The following H1-4 variants were observed in gnomAD, a reference collection of about 807,000 sequenced individuals.
H1-4 encodes histone H1.4.
A neutral mutation model predicts 7.2 loss-of-function variants in H1-4; 9 were observed. The observed-to-expected ratio is 1.25, with a 90% CI of 0.75 to 2.18. The LOEUF is 2.18. H1-4 is among the 30% of genes most tolerant of loss of function. The pLI, the probability that H1-4 is intolerant of heterozygous loss-of-function variation, is 0.00. For synonymous variants in H1-4, 318 were observed against 126.6 expected (o/e 2.51, Z -10.15); for missense variants, 646 against 287.9 (o/e 2.24, Z -9.00).
rs150948103 is a variant in H1-4, at chr6:26,156,615, G to A, written c.225G>A (p.Lys75=). 4.8e-3 allele frequency: 7,758 copies of A among 1,614,244 alleles called. 27 individuals are homozygous for A. Among genetic ancestry groups the A allele is most frequent in the Middle Eastern group, 0.012 (74 of 6,060 alleles). The part of the protein sequence containing the change: ...ALAAAGYDVE[K]NNSRIKLGLK... ...CAGCCGCTGGCTATGACGTGGAGAAGAACAACAGCCGCATCAAGCTGGGTC... is the reference window on the plus strand; with the variant it reads ...CAGCCGCTGGCTATGACGTGGAGAAAAACAACAGCCGCATCAAGCTGGGTC... Residue 75 remains lysine (K), a synonymous_variant, in exon 1 of 1, where the codon AAG becomes AAA. Coordinates refer to ENST00000304218, the MANE Select transcript of H1-4 (RefSeq NM_005321.3).
rs1298492628 is a variant in H1-4, at chr6:26,157,038, C to T, written c.648C>T (p.Ala216=). The T allele has an allele frequency of 1.3e-6, 2 of 1,580,972 alleles. No individual in the cohort carries two copies. Among genetic ancestry groups the T allele is most frequent in the Non-Finnish European group, 1.7e-6 (2 of 1,171,742 alleles). Residue 216 remains alanine (A), a synonymous_variant, in exon 1 of 1, where the codon GCC becomes GCT. Coordinates refer to ENST00000304218, the MANE Select transcript of H1-4 (RefSeq NM_005321.3). ...PKAAKPKKAA[A]KKK Reference sequence around the variant, plus strand: ...CAGCCAAGCCAAAGAAGGCGGCAGCCAAGAAAAAGTAGAAAGTTCCTTTGG... The same window carrying T: ...CAGCCAAGCCAAAGAAGGCGGCAGCTAAGAAAAAGTAGAAAGTTCCTTTGG...
rs138821617 is a variant in H1-4 at position 26,156,524 on chromosome 6, C to T, written c.134C>T (p.Thr45Ile). The T allele has an allele frequency of 1.1e-4, 176 of 1,614,040 alleles. No homozygotes were observed. Among genetic ancestry groups the T allele is most frequent in the African/African-American group, 6.5e-4 (49 of 75,072 alleles). ...ASGPPVSELI[T>I]KAVAASKERS... ...GGGCCCCCGGTGTCCGAGCTCATTA[C>T]TAAAGCTGTTGCCGCCTCCAAGGAG... The change falls in exon 1 of 1, where the codon ACT (threonine) becomes ATT (isoleucine). Residue 45 changes from threonine (T) to isoleucine (I), a missense_variant. Physicochemically the swap from Thr to Ile is moderately conservative, Grantham distance 89. Transcript: ENST00000304218.
chr6:26,156,647 G>T lies in H1-4; in HGVS notation c.257G>T (p.Ser86Ile), dbSNP rs1326715184. 1.2e-6 allele frequency: 2 copies of T among 1,614,262 alleles called. No individual in the cohort carries two copies. Among genetic ancestry groups the T allele is most frequent in the Non-Finnish European group, 1.7e-6 (2 of 1,180,052 alleles). ...NNSRIKLGLKSLVSKGTLVQT... is the reference protein window; with the variant it reads ...NNSRIKLGLKILVSKGTLVQT... ...AGCCGCATCAAGCTGGGTCTCAAGA[G>T]CCTGGTGAGCAAGGGCACCCTGGTG... The change falls in exon 1 of 1, where the codon AGC becomes ATC. Residue 86 changes from serine to isoleucine, a missense_variant. Physicochemically the swap from Ser to Ile is moderately radical, Grantham distance 142. Transcript: ENST00000304218.
chr6:26,156,848 AGAC>A lies in H1-4; in HGVS notation c.459_461del (p.Lys153_Thr154delinsAsn). 6.2e-7 allele frequency: 1 copy of A among 1,606,540 alleles called. No homozygotes were observed. The highest frequency in any genetic ancestry group is 8.5e-7 in the Non-Finnish European group (1 of 1,177,156). On this transcript the variant is annotated inframe_deletion, in exon 1 of 1. Transcript: ENST00000304218. ...GCCACCCCCAAGAAGAGCGCCAAGAAGACCCCAAAGAAGGCGAAGAAGCCGGCT... is the reference window on the plus strand; with the variant it reads ...GCCACCCCCAAGAAGAGCGCCAAGAACCCAAAGAAGGCGAAGAAGCCGGCT...
Position 26,156,879 on chromosome 6 carries a change from A to C in H1-4, c.489A>C (p.Ala163=), listed in dbSNP as rs1554162909. 5 of 1,608,784 alleles carry C rather than the reference A, an allele frequency of 3.1e-6. No individual in the cohort carries two copies. In the South Asian group the frequency reaches 4.4e-5, roughly 14 times the overall value. The change falls in exon 1 of 1, where the codon GCA becomes GCC. Residue 163 remains alanine (A), a synonymous_variant. Transcript: ENST00000304218. ...KTPKKAKKPA[A]AAGAKKAKSP... is the part of the protein sequence containing the mutation. ...CAAAGAAGGCGAAGAAGCCGGCTGC[A>C]GCTGCTGGAGCCAAAAAAGCGAAAA... is the stretch of plus-strand genomic sequence containing the variant.
Position 26,156,728 on chromosome 6 carries a change from C to A in H1-4, c.338C>A (p.Ser113Tyr). ...TTCAAACTCAACAAGAAGGCGGCCTCTGGGGAAGCCAAGCCTAAGGCTAAA... is the reference window on the plus strand; with the variant it reads ...TTCAAACTCAACAAGAAGGCGGCCTATGGGGAAGCCAAGCCTAAGGCTAAA... ...GSFKLNKKAA[S>Y]GEAKPKAKKA... The change falls in exon 1 of 1, where the codon TCT becomes TAT. Residue 113 changes from serine to tyrosine, a missense_variant. Transcript: ENST00000304218. 6.2e-7 allele frequency: 1 copy of A among 1,614,176 alleles called. No individual in the cohort carries two copies. The highest frequency in any genetic ancestry group is 8.5e-7 in the Non-Finnish European group (1 of 1,180,030).
Position 26,156,862 on chromosome 6 carries a change from G to A in H1-4, c.472G>A (p.Ala158Thr), listed in dbSNP as rs1764197069. 1.9e-6 allele frequency: 3 copies of A among 1,607,812 alleles called. No individual in the cohort carries two copies. Among genetic ancestry groups the A allele is most frequent in the Non-Finnish European group, 2.5e-6 (3 of 1,177,796 alleles). Reference sequence around the variant, plus strand: ...GAGCGCCAAGAAGACCCCAAAGAAGGCGAAGAAGCCGGCTGCAGCTGCTGG... The same window carrying A: ...GAGCGCCAAGAAGACCCCAAAGAAGACGAAGAAGCCGGCTGCAGCTGCTGG... ...KKSAKKTPKK[A>T]KKPAAAAGAK... The change falls in exon 1 of 1, where the codon GCG becomes ACG. Residue 158 changes from alanine (A) to threonine (T), a missense_variant. By Grantham distance (58) the Ala-to-Thr change is moderately conservative (BLOSUM62 0). Transcript: ENST00000304218.
chr6:26,156,417 C>T lies in H1-4; in HGVS notation c.27C>T (p.Pro9=), dbSNP rs765164128. The change falls in exon 1 of 1, where the codon CCC becomes CCT. Residue 9 remains proline (P), a synonymous_variant. Transcript: ENST00000304218. The part of the protein sequence containing the change: MSETAPAA[P]AAPAPAEKTP... ...TGTCCGAGACTGCGCCTGCCGCGCC[C>T]GCTGCTCCGGCCCCTGCCGAGAAGA... 7.5e-6 allele frequency: 12 copies of T among 1,591,398 alleles called. No homozygotes were observed. The African/African-American group carries it at 9.5e-5, about 13-fold the overall frequency.
At position 26,156,507 on chromosome 6, in the gene H1-4, G is replaced by T. The variant is rs35578662; in HGVS notation, c.117G>T (p.Pro39=). The change falls in exon 1 of 1, where the codon CCG becomes CCT. Residue 39 remains proline, a synonymous_variant. Coordinates refer to ENST00000304218, the MANE Select transcript of H1-4 (RefSeq NM_005321.3). ...CCAAGCGCAAAGCGTCTGGGCCCCCGGTGTCCGAGCTCATTACTAAAGCTG... is the reference window on the plus strand; with the variant it reads ...CCAAGCGCAAAGCGTCTGGGCCCCCTGTGTCCGAGCTCATTACTAAAGCTG... The part of the protein sequence containing the change: ...GAAKRKASGP[P]VSELITKAVA... 1.9e-5 allele frequency: 31 copies of T among 1,613,726 alleles called. No homozygotes were observed. The African/African-American group carries it at 4.0e-4, about 21-fold the overall frequency.
In H1-4 at chr6:26,157,081, C is replaced by T. The variant is rs557110814; in HGVS notation, c.*31C>T. On this transcript the variant is annotated 3_prime_UTR_variant, in exon 1 of 1. Coordinates refer to ENST00000304218, the MANE Select transcript of H1-4 (RefSeq NM_005321.3). ...TCCTTTGGCCAACTGCTTAGAAGCC[C>T]AACACAACCCAAAGGCTCTTTTCAG... 146 of 1,565,570 alleles carry T rather than the reference C, an allele frequency of 9.3e-5. 1 individual carries two copies. In the East Asian group the frequency reaches 3.0e-3, roughly 32 times the overall value.
At position 26,156,615 on chromosome 6, in the gene H1-4, G is replaced by C. The variant is rs150948103; in HGVS notation, c.225G>C (p.Lys75Asn). 3.7e-6 allele frequency: 6 copies of C among 1,614,246 alleles called. No homozygotes were observed. The highest frequency in any genetic ancestry group is 3.3e-5 in the Admixed American group (2 of 60,030). ...CAGCCGCTGGCTATGACGTGGAGAA[G>C]AACAACAGCCGCATCAAGCTGGGTC... ...ALAAAGYDVE[K>N]NNSRIKLGLK... Residue 75 changes from lysine to asparagine, a missense_variant, in exon 1 of 1, where the codon AAG becomes AAC. Physicochemically the swap from Lys to Asn is moderately conservative, Grantham distance 94 (BLOSUM62 0). Transcript: ENST00000304218.
In H1-4 at chr6:26,156,798, G is replaced by A. The variant is rs748755646; in HGVS notation, c.408G>A (p.Lys136=). ...CCAAGAAGCCAGCAGGAGCGGCGAA[G>A]AAGCCCAAGAAGGCGACGGGGGCGG... is the stretch of plus-strand genomic sequence containing the variant. The part of the protein sequence containing the change: ...AKAKKPAGAA[K]KPKKATGAAT... The change falls in exon 1 of 1, where the codon AAG becomes AAA. Residue 136 remains lysine, a synonymous_variant. Transcript: ENST00000304218. The A allele has an allele frequency of 1.3e-5, 21 of 1,610,470 alleles. No individual in the cohort carries two copies. Among genetic ancestry groups the A allele is most frequent in the African/African-American group, 8.0e-5 (6 of 74,830 alleles).
chr6:26,157,113 C>G lies in H1-4; in HGVS notation c.*63C>G. ...ACCCAAAGGCTCTTTTCAGAGCCACCCACCGCTCTCAGTAAAAGAGCTGTT... is the reference window on the plus strand; with the variant it reads ...ACCCAAAGGCTCTTTTCAGAGCCACGCACCGCTCTCAGTAAAAGAGCTGTT... On this transcript the variant is annotated 3_prime_UTR_variant, in exon 1 of 1. Coordinates refer to ENST00000304218, the MANE Select transcript of H1-4 (RefSeq NM_005321.3). The G allele has an allele frequency of 5.9e-6, 9 of 1,533,894 alleles. No homozygotes were observed. The highest frequency in any genetic ancestry group is 7.8e-6 in the Non-Finnish European group (9 of 1,148,284).
At position 26,156,383 on chromosome 6, in the gene H1-4, C is replaced by T. The variant is rs774145855; in HGVS notation, c.-8C>T. On this transcript the variant is annotated 5_prime_UTR_variant, in exon 1 of 1. Coordinates refer to ENST00000304218, the MANE Select transcript of H1-4 (RefSeq NM_005321.3). ...CTCGAATTGCTCTCGCTCACGCTTG[C>T]CTTCAACATGTCCGAGACTGCGCCT... 21 of 1,557,748 alleles carry T rather than the reference C, an allele frequency of 1.3e-5. No individual in the cohort carries two copies. Among genetic ancestry groups the T allele is most frequent in the African/African-American group, 4.1e-5 (3 of 72,968 alleles).
rs779561273 is a variant in H1-4, at chr6:26,156,797, A to G, written c.407A>G (p.Lys136Arg). The G allele has an allele frequency of 5.6e-6, 9 of 1,610,602 alleles. No individual in the cohort carries two copies. Among genetic ancestry groups the G allele is most frequent in the Non-Finnish European group, 6.8e-6 (8 of 1,178,382 alleles). The part of the protein sequence containing the change: ...AKAKKPAGAA[K>R]KPKKATGAAT... ...GCCAAGAAGCCAGCAGGAGCGGCGA[A>G]GAAGCCCAAGAAGGCGACGGGGGCG... The change falls in exon 1 of 1, where the codon AAG becomes AGG. Residue 136 changes from lysine (K) to arginine (R), a missense_variant. Coordinates refer to ENST00000304218, the MANE Select transcript of H1-4 (RefSeq NM_005321.3).
In H1-4 at chr6:26,156,647, G is replaced by A. The variant is rs1326715184; in HGVS notation, c.257G>A (p.Ser86Asn). The A allele has an allele frequency of 5.6e-6, 9 of 1,614,144 alleles. No individual in the cohort carries two copies. The highest frequency in any genetic ancestry group is 3.3e-4 in the Middle Eastern group (2 of 6,084). The change falls in exon 1 of 1, where the codon AGC becomes AAC. Residue 86 changes from serine (S) to asparagine (N), a missense_variant. Physicochemically the swap from Ser to Asn is conservative, Grantham distance 46. Transcript: ENST00000304218. ...AGCCGCATCAAGCTGGGTCTCAAGA[G>A]CCTGGTGAGCAAGGGCACCCTGGTG... ...NNSRIKLGLK[S>N]LVSKGTLVQT...
rs200022646 is a variant in H1-4, at chr6:26,156,654, G to C, written c.264G>C (p.Val88=). 6.2e-7 allele frequency: 1 copy of C among 1,614,258 alleles called. No individual in the cohort carries two copies. Among genetic ancestry groups the C allele is most frequent in the South Asian group, 1.1e-5 (1 of 91,086 alleles). The change falls in exon 1 of 1, where the codon GTG becomes GTC. Residue 88 remains valine, a synonymous_variant. Transcript: ENST00000304218. ...TCAAGCTGGGTCTCAAGAGCCTGGT[G>C]AGCAAGGGCACCCTGGTGCAGACCA... ...SRIKLGLKSL[V]SKGTLVQTKG...
rs200272831 is a variant in H1-4 at position 26,156,756 on chromosome 6, G to T, written c.366G>T (p.Lys122Asn). The change falls in exon 1 of 1, where the codon AAG (lysine) becomes AAT (asparagine). Residue 122 changes from lysine (K) to asparagine (N), a missense_variant. Coordinates refer to ENST00000304218, the MANE Select transcript of H1-4 (RefSeq NM_005321.3). Reference protein sequence around the residue: ...ASGEAKPKAKKAGAAKAKKPA... With the variant: ...ASGEAKPKAKNAGAAKAKKPA... The stretch of plus-strand genomic sequence containing the variant: ...GGGAAGCCAAGCCTAAGGCTAAAAA[G>T]GCAGGCGCGGCCAAGGCCAAGAAGC... 7.4e-6 allele frequency: 12 copies of T among 1,613,616 alleles called. No individual in the cohort carries two copies. The highest frequency in any genetic ancestry group is 1.0e-5 in the Non-Finnish European group (12 of 1,179,874).
In H1-4 at chr6:26,156,473, C is replaced by A; in HGVS notation, c.83C>A (p.Ala28Glu). ...GTGAAGAAGAAGGCCCGCAAGTCTGCAGGTGCGGCCAAGCGCAAAGCGTCT... is the reference window on the plus strand; with the variant it reads ...GTGAAGAAGAAGGCCCGCAAGTCTGAAGGTGCGGCCAAGCGCAAAGCGTCT... ...TPVKKKARKSAGAAKRKASGP... is the reference protein window; with the variant it reads ...TPVKKKARKSEGAAKRKASGP... The change falls in exon 1 of 1, where the codon GCA becomes GAA. Residue 28 changes from alanine (A) to glutamate (E), a missense_variant. By Grantham distance (107) the Ala-to-Glu change is moderately radical. Coordinates refer to ENST00000304218, the MANE Select transcript of H1-4 (RefSeq NM_005321.3). 1 of 1,613,228 alleles carries A rather than the reference C, an allele frequency of 6.2e-7. No homozygotes were observed. Among genetic ancestry groups the A allele is most frequent in the Non-Finnish European group, 8.5e-7 (1 of 1,179,840 alleles).
Sources: allele counts gnomAD v4.1 joint callset, GRCh38; gene constraint gnomAD v4.1.1; transcripts MANE v1.5; gene names NCBI Gene and HGNC (gene_info 2026-07-23, HGNC 2026-07-21).